Variants in SLC25A48 observed in about 807,000 individuals in gnomAD.
SLC25A48 encodes the protein CTC-321K16.1.
In SLC25A48, 29 loss-of-function variants were observed where a neutral mutation model predicts 32.2. The ratio of observed to expected loss-of-function variants is 0.90; its 90% CI spans 0.67 to 1.23. The LOEUF (loss-of-function observed/expected upper bound fraction) is 1.23. SLC25A48 is among the 50% of genes most tolerant of loss of function. The pLI is 0.00. For missense variants in SLC25A48, 399 were observed against 422.7 expected (o/e 0.94, Z 0.49); for synonymous variants, 164 against 172.3 (o/e 0.95, Z 0.38).
intron 3 of SLC25A48, among the ~76,000 whole-genome samples, chr5:135,773,885 C>T (rs1756480268): frequency 6.6e-6 from 1 of 151,190 alleles, no homozygotes; most frequent in Non-Finnish European, 1.5e-5. Flanking sequence ...TGTACACCAC[C>T]AATGTGATAT....
intron 3 of SLC25A48, among the ~76,000 whole-genome samples, chr5:135,733,095 A>G (rs1422979686): frequency 6.6e-6 from 1 of 152,228 alleles, no homozygotes; most frequent in Non-Finnish European, 1.5e-5. Flanking sequence ...GAGTCAGTAT[A>G]AATATTGACA....
At chr5:135,772,794 A>G (rs896337645) in intron 3 of SLC25A48, among the ~76,000 whole-genome samples, 7 of 151,522 alleles carry the variant, frequency 4.6e-5, no homozygotes, top group East Asian at 1.9e-4. Context: ...ATTACTCCCA[A>G]TGTCTCAGGG....
In SLC25A48 at chr5:135,696,350, A is replaced by G. The variant is rs1754266195; in HGVS notation, c.-521+61394A>G. Among the ~76,000 whole-genome samples, 2 of 152,172 alleles carry G rather than the reference A, an allele frequency of 1.3e-5. 1 individual carries two copies. Among genetic ancestry groups the G allele is most frequent in the South Asian group, 4.1e-4 (2 of 4,820 alleles). Reference sequence around the variant, plus strand: ...TGCAAAACTTGATAGTACTGTCAGGATGTTAGGTGCTCTGAGTGAGAAAGA... The same window carrying G: ...TGCAAAACTTGATAGTACTGTCAGGGTGTTAGGTGCTCTGAGTGAGAAAGA... On this transcript the variant is annotated intron_variant, in intron 3 of 10. Coordinates refer to the SLC25A48 transcript ENST00000646290.
chr5:135,876,528 TAATC>T (rs1157856814), intron 6 of SLC25A48: 1 of 152,094 alleles, frequency 6.6e-6, no homozygotes, highest in Non-Finnish European at 1.5e-5. Context: ...AAATTTGTAT[TAATC>T]AGTCAAAAAT....
intron 4 of SLC25A48, among the ~76,000 whole-genome samples, chr5:135,814,825 C>T (rs1757676118): frequency 1.3e-5 from 2 of 152,248 alleles, no homozygotes; most frequent in African/African-American, 4.8e-5. Context: ...TCGTTTGTCT[C>T]AGCTGGATCA....
chr5:135,637,958 A>G (rs1752743971), intron 3 of SLC25A48, among the ~76,000 whole-genome samples: 1 of 152,200 alleles, frequency 6.6e-6, no homozygotes, highest in African/African-American at 2.4e-5. Context: ...ATTCTATTTC[A>G]CCAATTTTAA....
rs61300309 is a variant in SLC25A48, at chr5:135,616,956, G to A, written c.-848-12281G>A. ...GTCCTTATCTGGTTTTGGTATCAGG[G>A]TAATGTTGGCCTCATAGAATGAGTT... is the stretch of plus-strand genomic sequence containing the variant. On this transcript the variant is annotated intron_variant, in intron 1 of 10. Transcript: ENST00000646290. Among the ~76,000 whole-genome samples, 651 of 152,224 alleles carry A rather than the reference G, an allele frequency of 4.3e-3. 36 individuals carry two copies. The East Asian group carries it at 0.11, about 26-fold the overall frequency.
intron 2 of SLC25A48, among the ~76,000 whole-genome samples, chr5:135,845,016 T>C (rs1759293166): frequency 6.6e-6 from 1 of 152,212 alleles, no homozygotes; most frequent in African/African-American, 2.4e-5. Flanking sequence ...TATGAATTAG[T>C]TTCCTTGGGC....
intron 6 of SLC25A48, chr5:135,874,576 A>C: frequency 1.6e-6 from 1 of 608,668 alleles, no homozygotes; most frequent in Middle Eastern, 2.6e-4. Context: ...GTCCTCAGTC[A>C]GCTCATCTCA....
At chr5:135,714,379 C>T (rs150936726) in intron 3 of SLC25A48, among the ~76,000 whole-genome samples, 4 of 152,232 alleles carry the variant, frequency 2.6e-5, no homozygotes, top group Non-Finnish European at 5.9e-5. Context: ...CCAGATGTCT[C>T]TCCCCATGCA....
intron 1 of SLC25A48, among the ~76,000 whole-genome samples, chr5:135,835,423 G>A (rs1390575934): frequency 6.6e-6 from 1 of 152,102 alleles, no homozygotes; most frequent in Non-Finnish European, 1.5e-5. Flanking sequence ...GCCAGGCTGC[G>A]AGGAGCACTT....
intron 3 of SLC25A48, among the ~76,000 whole-genome samples, chr5:135,742,201 T>G (rs1226816000): frequency 6.6e-6 from 1 of 152,222 alleles, no homozygotes; most frequent in Non-Finnish European, 1.5e-5. Context: ...TGGCTCATCC[T>G]CCTGAATAGC....
chr5:135,624,056 G>A (rs60419371), intron 1 of SLC25A48, among the ~76,000 whole-genome samples: 1 of 151,900 alleles, frequency 6.6e-6, no homozygotes, highest in African/African-American at 2.4e-5. Flanking sequence ...TGGGAGCGGG[G>A]GGTTGGTGTG....
intron 2 of SLC25A48, among the ~76,000 whole-genome samples, chr5:135,632,198 C>T (rs950626170): frequency 1.3e-5 from 2 of 152,140 alleles, no homozygotes; most frequent in Non-Finnish European, 2.9e-5. Context: ...TACTACAGTG[C>T]GTAGGCTTTG....
chr5:135,859,309 G>A (rs947072077), intron 4 of SLC25A48, among the ~76,000 whole-genome samples: 7 of 152,128 alleles, frequency 4.6e-5, no homozygotes, highest in Non-Finnish European at 1.0e-4. Flanking sequence ...GAGAGTGTGT[G>A]CCAGAGAACT....
intron 4 of SLC25A48, among the ~76,000 whole-genome samples, chr5:135,820,523 G>C (rs1461805807): frequency 6.6e-6 from 1 of 151,992 alleles, no homozygotes; most frequent in East Asian, 1.9e-4. Flanking sequence ...CAATGAAGTT[G>C]AATTTTTAAG....
chr5:135,699,686 A>T (rs548947096), intron 3 of SLC25A48, among the ~76,000 whole-genome samples: 2 of 152,370 alleles, frequency 1.3e-5, no homozygotes, highest in South Asian at 4.1e-4. Context: ...TTTTAAAAAC[A>T]ATGGTAATAG....
chr5:135,879,606 G>A (rs1365441529), intron 6 of SLC25A48, among the ~76,000 whole-genome samples: 1 of 125,004 alleles, frequency 8.0e-6, no homozygotes. Context: ...GAGAGAGAGA[G>A]AGAGAGTGTG....
chr5:135,787,464 A>G (rs190939679), intron 3 of SLC25A48, among the ~76,000 whole-genome samples: 69 of 152,160 alleles, frequency 4.5e-4, no homozygotes, highest in African/African-American at 1.1e-3. Flanking sequence ...ATTATTCGTA[A>G]TATCTTAGAG....
Sources: allele counts gnomAD v4.1 joint callset (sites outside exome capture counted in the v4.1 genomes callset), GRCh38; gene constraint gnomAD v4.1.1; transcripts MANE v1.5; gene names NCBI Gene and HGNC (gene_info 2026-07-23, HGNC 2026-07-21).